KRTDAP: variants seen among roughly 807,000 people sequenced by gnomAD.
The protein encoded by KRTDAP is keratinocyte differentiation associated protein.
Under a neutral mutation model 18.6 loss-of-function variants are expected in KRTDAP, and 14 were observed. The observed-to-expected ratio is 0.75, with a 90% confidence interval of 0.50 to 1.18. The LOEUF is 1.18. KRTDAP is among the 50% of genes most tolerant of loss of function. KRTDAP has a pLI of 0.00. For synonymous variants in KRTDAP, 53 were observed against 49.5 expected, an observed-to-expected ratio of 1.07 and a Z score of -0.29; for missense variants, 114 against 121.3, an observed-to-expected ratio of 0.94 and a Z score of 0.28.
chr19:35,488,748 AAGAG>A (rs760361307), intron 2 of KRTDAP, 45 bp from the exon 3 acceptor site: 2 of 1,614,154 alleles, frequency 1.2e-6, no homozygotes, highest in South Asian at 1.1e-5. Flanking sequence ...AAGAAGCAAA[AAGAG>A]AGAGAGGACA....
intron 4 of KRTDAP, 107 bp from the exon 5 acceptor site, chr19:35,487,866 T>A: frequency 1.3e-6 from 1 of 742,692 alleles, no homozygotes; most frequent in South Asian, 1.6e-5. Context: ...AACAATAATG[T>A]CATTATTTTG....
Position 35,488,674 on chromosome 19 carries a change from G to C in KRTDAP, c.156C>G (p.Asp52Glu), listed in dbSNP as rs769679290. The C allele has an allele frequency of 2.5e-6, 4 of 1,614,182 alleles. No homozygotes were observed. The South Asian group carries it at 4.4e-5, about 18-fold the overall frequency. The change falls in exon 3 of 6, where the codon GAC becomes GAG. Residue 52 changes from aspartate (D) to glutamate (E), a missense_variant. Asp to Glu is a conservative substitution (Grantham distance 45). Transcript: ENST00000338897. Reference protein sequence around the residue: ...EAFNTPFLNIDKLRSAFKADE... With the variant: ...EAFNTPFLNIEKLRSAFKADE... ...GAAGCGTACTCACAGATCGCAATTTGTCGATGTTCAGGAACGGGGTGTTAA... is the reference window on the plus strand; with the variant it reads ...GAAGCGTACTCACAGATCGCAATTTCTCGATGTTCAGGAACGGGGTGTTAA...
At chr19:35,488,894 T>G (rs1051387785) in intron 1 of KRTDAP, 54 bp from the exon 2 acceptor site, 43 of 1,511,216 alleles carry the variant, frequency 2.8e-5, no homozygotes, top group Non-Finnish European at 3.4e-5. Flanking sequence ...GCCAGGGCCC[T>G]TGCCCACATC....
At chr19:35,487,556 G>T in intron 5 of KRTDAP, 90 bp from the exon 6 acceptor site, 1 of 1,291,600 alleles carries the variant, frequency 7.7e-7, no homozygotes, top group Non-Finnish European at 1.1e-6. Flanking sequence ...GCCTCGGTGT[G>T]AGTTCCCGTT....
intron 4 of KRTDAP, among the ~76,000 whole-genome samples, 187 bp from the exon 5 acceptor site, chr19:35,487,946 C>T (rs561340269): frequency 2.0e-4 from 31 of 152,304 alleles, no homozygotes; most frequent in African/African-American, 7.5e-4. Context: ...GGCTGCTCTA[C>T]AAGCATGATT....
rs1161061528 is a variant in KRTDAP at position 35,488,564 on chromosome 19, T to C, written c.169-79A>G. On this transcript the variant is annotated intron_variant, in intron 3 of 5. Coordinates refer to ENST00000338897, the MANE Select transcript of KRTDAP (RefSeq NM_207392.3). ...TTAGCCCCCAGCCCTCTGGAGAAGG[T>C]GAAGGAACCGTGGCAGCTTTGCAAG... is the stretch of plus-strand genomic sequence containing the variant. The C allele has an allele frequency of 1.9e-6, 3 of 1,607,344 alleles. No individual in the cohort carries two copies. The East Asian group carries it at 6.7e-5, about 36-fold the overall frequency.
chr19:35,488,908 G>A, intron 1 of KRTDAP, 68 bp from the exon 2 acceptor site: 1 of 1,459,746 alleles, frequency 6.9e-7, no homozygotes, highest in Admixed American at 1.8e-5. Flanking sequence ...CCACATCCCT[G>A]TCTGCCAGCT....
chr19:35,488,495 AAGAG>A lies in KRTDAP; in HGVS notation c.169-14_169-11del. 1 of 1,613,858 alleles carries A rather than the reference AAGAG, an allele frequency of 6.2e-7. No homozygotes were observed. The highest frequency in any genetic ancestry group is 8.5e-7 in the Non-Finnish European group (1 of 1,179,894). ...CATCAGCCTTAAACGCCTGAGGAGG[AAGAG>A]AGACAGCAGAAGCAGGTCAGCTCCA... On this transcript the variant is annotated splice_polypyrimidine_tract_variant and intron_variant, in intron 3 of 5. Transcript: ENST00000338897.
At position 35,487,772 on chromosome 19, in the gene KRTDAP, AAGAG is replaced by A. The variant is rs770145485; in HGVS notation, c.214-17_214-14del. 1 of 1,607,358 alleles carries A rather than the reference AAGAG, an allele frequency of 6.2e-7. No individual in the cohort carries two copies. The highest frequency in any genetic ancestry group is 1.3e-5 in the African/African-American group (1 of 74,876). On this transcript the variant is annotated splice_polypyrimidine_tract_variant and intron_variant, in intron 4 of 5. Transcript: ENST00000338897. ...TCCTTTTGATAGACTAAAAGAAAGA[AAGAG>A]AAAGAGAGTGATGTGTTGCAGGTCA...
At chr19:35,489,129 T>C (rs2067508865) in intron 1 of KRTDAP, among the ~76,000 whole-genome samples, 1 of 152,260 alleles carries the variant, frequency 6.6e-6, no homozygotes, top group Non-Finnish European at 1.5e-5. Flanking sequence ...TGTCCTGCAG[T>C]TGACTTAAGT....
intron 4 of KRTDAP, 130 bp from the exon 5 acceptor site, chr19:35,487,889 C>A: frequency 1.5e-6 from 1 of 677,792 alleles, no homozygotes; most frequent in South Asian, 1.7e-5. Flanking sequence ...ATTACTTTAT[C>A]AAGAGCTAAT....
intron 1 of KRTDAP, 39 bp from the exon 2 acceptor site, chr19:35,488,879 G>T (rs765261130): frequency 6.2e-7 from 1 of 1,600,456 alleles, no homozygotes; most frequent in African/African-American, 1.3e-5. Context: ...AGGGGGTCAC[G>T]TGATGCCAGG....
chr19:35,487,852 T>C (rs1016503884), intron 4 of KRTDAP, 93 bp from the exon 5 acceptor site: 11 of 776,424 alleles, frequency 1.4e-5, no homozygotes, highest in South Asian at 7.3e-5. Flanking sequence ...ACAGTAACCA[T>C]AGTAACAATA....
intron 1 of KRTDAP, 34 bp from the exon 2 acceptor site, chr19:35,488,874 G>T (rs2067507505): frequency 1.2e-6 from 2 of 1,606,330 alleles, no homozygotes; most frequent in African/African-American, 2.7e-5. Context: ...GCGGCAGGGG[G>T]TCACGTGATG....
chr19:35,488,290 G>A (rs924197354), intron 4 of KRTDAP, 151 bp downstream of exon 4: 29 of 785,034 alleles, frequency 3.7e-5, no homozygotes, highest in Admixed American at 1.5e-4. Flanking sequence ...GCTTTCTTCC[G>A]TTGACAGCCC....
Position 35,488,665 on chromosome 19 carries a change from T to C in KRTDAP, c.165A>G (p.Arg55=). Residue 55 remains arginine, a synonymous_variant, in exon 3 of 6, where the codon CGA becomes CGG. Coordinates refer to ENST00000338897, the MANE Select transcript of KRTDAP (RefSeq NM_207392.3). The part of the protein sequence containing the change: ...NTPFLNIDKL[R]SAFKADEFLN... ...AGCACCAGAGAAGCGTACTCACAGATCGCAATTTGTCGATGTTCAGGAACG... is the reference window on the plus strand; with the variant it reads ...AGCACCAGAGAAGCGTACTCACAGACCGCAATTTGTCGATGTTCAGGAACG... 1 of 1,614,012 alleles carries C rather than the reference T, an allele frequency of 6.2e-7. No individual in the cohort carries two copies. The highest frequency in any genetic ancestry group is 8.5e-7 in the Non-Finnish European group (1 of 1,180,016).
chr19:35,488,519 G>C, intron 3 of KRTDAP, 34 bp from the exon 4 acceptor site: 1 of 1,612,998 alleles, frequency 6.2e-7, no homozygotes, highest in South Asian at 1.1e-5. Context: ...AAGCAGGTCA[G>C]CTCCAGGGGA....
Position 35,488,945 on chromosome 19 carries a change from G to A in KRTDAP, c.88-105C>T, listed in dbSNP as rs1038570650. 3.6e-5 allele frequency: 38 copies of A among 1,063,444 alleles called. 1 individual carries two copies. In the South Asian group the frequency reaches 4.9e-4, roughly 14 times the overall value. 65.9% of individuals were successfully genotyped at this position (1,063,444 alleles called of 1,614,324 possible). The stretch of plus-strand genomic sequence containing the variant: ...TGCCTTCATCCACAGCCCAGTCCCC[G>A]AAAGAACGCAACCCATTCCCCACCA... On this transcript the variant is annotated intron_variant, in intron 1 of 5. Transcript: ENST00000338897.
intron 1 of KRTDAP, among the ~76,000 whole-genome samples, chr19:35,490,037 T>C (rs185165710): frequency 8.9e-5 from 12 of 135,364 alleles, no homozygotes; most frequent in African/African-American, 3.6e-4. Context: ...TGTGTGCAGC[T>C]GGAACGGAAT....
Sources: gnomAD v4.1 joint callset for allele counts (sites outside exome capture counted in the v4.1 genomes callset) on GRCh38, gnomAD v4.1.1 for gene constraint, MANE v1.5 for transcripts, NCBI Gene and HGNC (gene_info 2026-07-23, HGNC 2026-07-21) for gene names.